The following RIMBP2 variants were observed in gnomAD, a reference collection of about 807,000 sequenced individuals.
The protein encoded by RIMBP2 is RIMS-binding protein 2.
A neutral mutation model predicts 118.6 loss-of-function variants in RIMBP2; 48 were observed. The ratio of observed to expected loss-of-function variants is 0.40; its 90% confidence interval spans 0.32 to 0.51. The LOEUF is 0.51. Among genes scored for constraint, RIMBP2 ranks in the 20% least tolerant of loss-of-function variants. The pLI is 0.41. For synonymous variants in RIMBP2, 762 were observed against 742.9 expected (o/e 1.03, Z -0.42); for missense variants, 1,551 against 1,768.3 (o/e 0.88, Z 2.20).
At chr12:130,466,558 T>C (rs1441422398) in intron 6 of RIMBP2, among the ~76,000 whole-genome samples, 1 of 152,184 alleles carries the variant, frequency 6.6e-6, no homozygotes, top group East Asian at 1.9e-4. Context: ...GACCCCACAA[T>C]CACCAAGCCA....
At chr12:130,524,648 A>G (rs1168052427) in intron 2 of RIMBP2, among the ~76,000 whole-genome samples, 2 of 152,230 alleles carry the variant, frequency 1.3e-5, no homozygotes, top group Non-Finnish European at 2.9e-5. Context: ...TAGAAAAATA[A>G]TATCTGCACT....
chr12:130,666,312 G>C (rs1053457147), intron 1 of RIMBP2, among the ~76,000 whole-genome samples: 4 of 152,140 alleles, frequency 2.6e-5, no homozygotes, highest in African/African-American at 9.7e-5. Context: ...TCGCTTCTAA[G>C]GGGCTTGGCA....
chr12:130,553,650 G>C (rs1279013336), intron 2 of RIMBP2, among the ~76,000 whole-genome samples: 1 of 152,098 alleles, frequency 6.6e-6, no homozygotes. Flanking sequence ...AGGCTGAGCT[G>C]GGAAGATCAC....
intron 2 of RIMBP2, among the ~76,000 whole-genome samples, chr12:130,572,691 G>A (rs544412102): frequency 2.0e-5 from 3 of 151,904 alleles, no homozygotes; most frequent in South Asian, 2.1e-4. Flanking sequence ...ATGCTCATTC[G>A]AGTTAATTAA....
chr12:130,396,736 A>C lies in RIMBP2; in HGVS notation c.*625T>G, dbSNP rs2074104572. On this transcript the variant is annotated 3_prime_UTR_variant, in exon 23 of 23. Transcript: ENST00000690449. ...TTTCTCTTTTTTGAATGATTGAGTA[A>C]ACATTTTCTGTGTGTAGCCTGGCTG... 1 of 152,650 alleles carries C rather than the reference A, an allele frequency of 6.6e-6. No individual in the cohort carries two copies. The highest frequency in any genetic ancestry group is 1.5e-5 in the Non-Finnish European group (1 of 68,042). The allele number at this position is 152,650 out of a possible 1,614,324, so 9.5% of individuals were successfully genotyped here.
intron 1 of RIMBP2, among the ~76,000 whole-genome samples, chr12:130,685,517 T>C (rs917978064): frequency 3.9e-5 from 6 of 152,110 alleles, no homozygotes; most frequent in Admixed American, 2.6e-4. Flanking sequence ...CTGTGAGCAT[T>C]TGGTTCAAAA....
At position 130,446,534 on chromosome 12, in the gene RIMBP2, A is replaced by C. The variant is rs1215427932; in HGVS notation, c.582-1265T>G. Reference sequence around the variant, plus strand: ...CATGGTCAGGGTGCAGAGGTCCAGGAACCCAATCCAAGACCCTGACAGCAC... The same window carrying C: ...CATGGTCAGGGTGCAGAGGTCCAGGCACCCAATCCAAGACCCTGACAGCAC... On this transcript the variant is annotated intron_variant, in intron 9 of 22. Coordinates refer to ENST00000690449, the MANE Select transcript of RIMBP2 (RefSeq NM_001393629.1). This position sits in a 1 kb window ranked among gnomAD's most constrained non-coding sequence, Gnocchi z 4.1. Among the ~76,000 whole-genome samples, 1 of 152,198 alleles carries C rather than the reference A, an allele frequency of 6.6e-6. No individual in the cohort carries two copies. Among genetic ancestry groups the C allele is most frequent in the East Asian group, 1.9e-4 (1 of 5,182 alleles).
intron 2 of RIMBP2, among the ~76,000 whole-genome samples, chr12:130,575,552 C>A (rs1395819369): frequency 6.6e-6 from 1 of 152,202 alleles, no homozygotes. Context: ...AACTACGTGA[C>A]CCATTCCTGC....
chr12:130,588,835 T>C (rs2059079642), intron 2 of RIMBP2, among the ~76,000 whole-genome samples: 1 of 152,220 alleles, frequency 6.6e-6, no homozygotes, highest in Admixed American at 6.5e-5. Context: ...GATGACCACA[T>C]AATAGAGCTC....
intron 4 of RIMBP2, among the ~76,000 whole-genome samples, chr12:130,484,239 C>A (rs1446976370): frequency 6.6e-6 from 1 of 152,222 alleles, no homozygotes; most frequent in East Asian, 1.9e-4. Context: ...TGCCTCTTGC[C>A]TCCTGATGCC....
intron 2 of RIMBP2, among the ~76,000 whole-genome samples, chr12:130,567,703 C>T (rs1168987041): frequency 1.3e-5 from 2 of 152,248 alleles, no homozygotes; most frequent in African/African-American, 4.8e-5. Flanking sequence ...CAGCGGCCAA[C>T]ACCCCTTTCA....
At chr12:130,487,169 G>A (rs1355986548) in intron 4 of RIMBP2, among the ~76,000 whole-genome samples, 1 of 152,202 alleles carries the variant, frequency 6.6e-6, no homozygotes. Flanking sequence ...GTCTTAGCGA[G>A]TGCCATTCCT....
intron 14 of RIMBP2, among the ~76,000 whole-genome samples, chr12:130,433,779 A>T (rs904774942): frequency 3.3e-5 from 5 of 152,142 alleles, no homozygotes; most frequent in African/African-American, 9.7e-5. Context: ...ACCACGAGAG[A>T]AAGGCCAAGA....
At chr12:130,643,501 T>C (rs1412303354) in intron 1 of RIMBP2, among the ~76,000 whole-genome samples, 1 of 152,140 alleles carries the variant, frequency 6.6e-6, no homozygotes, top group African/African-American at 2.4e-5. Flanking sequence ...AGGAGAGCTG[T>C]TGCCTACAGA....
At chr12:130,649,471 C>A (rs1200647734) in intron 1 of RIMBP2, among the ~76,000 whole-genome samples, 1 of 152,204 alleles carries the variant, frequency 6.6e-6, no homozygotes, top group Non-Finnish European at 1.5e-5. Flanking sequence ...TTGGCCAGAA[C>A]AAGCCACGTG....
intron 11 of RIMBP2, among the ~76,000 whole-genome samples, chr12:130,440,313 G>T (rs1490235986): frequency 1.3e-5 from 2 of 152,134 alleles, no homozygotes; most frequent in African/African-American, 4.8e-5. Flanking sequence ...GATGATACAT[G>T]GGGTGTGGTT....
At chr12:130,692,915 A>G (rs1593018339) in intron 1 of RIMBP2, among the ~76,000 whole-genome samples, 1 of 148,160 alleles carries the variant, frequency 6.7e-6, no homozygotes, top group Admixed American at 6.7e-5. Flanking sequence ...GTAGGGTAGG[A>G]TAGGGTAGAG....
intron 20 of RIMBP2, among the ~76,000 whole-genome samples, chr12:130,406,581 A>G (rs891346184): frequency 1.3e-5 from 2 of 152,252 alleles, no homozygotes; most frequent in Non-Finnish European, 2.9e-5. Flanking sequence ...TGTTCTCTGC[A>G]GTATAAGGAC....
intron 2 of RIMBP2, among the ~76,000 whole-genome samples, chr12:130,592,789 C>T (rs1402596282): frequency 6.6e-6 from 1 of 151,826 alleles, no homozygotes; most frequent in Admixed American, 6.6e-5. Context: ...GTGAGAAGAG[C>T]GTTTCGCCCA....
Sources: gnomAD v4.1 joint callset for allele counts (sites outside exome capture counted in the v4.1 genomes callset) on GRCh38, gnomAD v4.1.1 for gene constraint, Gnocchi (gnomAD v3.1) non-coding constraint, MANE v1.5 for transcripts, NCBI Gene and HGNC (gene_info 2026-07-23, HGNC 2026-07-21) for gene names.